ALG10: variants seen among roughly 807,000 people sequenced by gnomAD.
ALG10 encodes ALG10 alpha-1,2-glucosyltransferase.
ALG10 carries 25 observed loss-of-function variants against 39.2 expected under a neutral mutation model. The ratio of observed to expected loss-of-function variants is 0.64; its 90% CI spans 0.46 to 0.89. The LOEUF (loss-of-function observed/expected upper bound fraction) is 0.89, where lower values mean the gene tolerates loss of function less well. ALG10 is among the 40% of genes least tolerant of loss of function. The pLI is 0.00. For missense variants in ALG10, 486 were observed against 546.6 expected, an observed-to-expected ratio of 0.89 and a Z score of 1.11; for synonymous variants, 184 against 193.9, an observed-to-expected ratio of 0.95 and a Z score of 0.42.
Position 34,027,004 on chromosome 12 carries a change from TC to T in ALG10, c.*90del. On this transcript the variant is annotated 3_prime_UTR_variant, in exon 3 of 3. Coordinates refer to ENST00000266483, the MANE Select transcript of ALG10 (RefSeq NM_032834.4). ...CTGAATAGGTGGAAAACATGGAATT[TC>T]TTTTAGGTGCAGTGGTGGTCTTCAA... The T allele has an allele frequency of 7.1e-7, 1 of 1,418,182 alleles. No individual in the cohort carries two copies. Among genetic ancestry groups the T allele is most frequent in the African/African-American group, 1.4e-5 (1 of 69,462 alleles). 87.8% of individuals were successfully genotyped at this position (1,418,182 alleles called of 1,614,324 possible).
chr12:34,027,180 C>T lies in ALG10; in HGVS notation c.*265C>T. 3.6e-6 allele frequency: 1 copy of T among 276,962 alleles called. No homozygotes were observed. The allele number at this position is 276,962 out of a possible 1,614,324, so 17.2% of individuals were successfully genotyped here. ...TCTCATATCACTCTCATAATGTTGG[C>T]CCCTTAAAAAGCTTGGGAATGTTTT... On this transcript the variant is annotated 3_prime_UTR_variant, in exon 3 of 3. Transcript: ENST00000266483.
intron 1 of ALG10, 179 bp from the exon 2 acceptor site, chr12:34,023,782 TC>T (rs1942803766): frequency 1.3e-6 from 1 of 742,250 alleles, no homozygotes; most frequent in African/African-American, 1.7e-5. Flanking sequence ...ACTAAGCTGG[TC>T]CGGGGGCAAA....
Position 34,026,887 on chromosome 12 carries a change from G to A in ALG10, c.1394G>A (p.Ser465Asn). Residue 465 changes from serine to asparagine, a missense_variant, in exon 3 of 3, where the codon AGT (serine) becomes AAT (asparagine). Physicochemically the swap from Ser to Asn is conservative, Grantham distance 46 (BLOSUM62 1). Transcript: ENST00000266483. Reference protein sequence around the residue: ...FLNKTFQWPNSQDIQRFMW With the variant: ...FLNKTFQWPNNQDIQRFMW The stretch of plus-strand genomic sequence containing the variant: ...AACAAGACTTTTCAGTGGCCAAATA[G>A]TCAGGACATTCAAAGGTTTATGTGG... 6.2e-7 allele frequency: 1 copy of A among 1,613,028 alleles called. No individual in the cohort carries two copies.
chr12:34,025,767 G>A (rs79570124), intron 2 of ALG10, 96 bp from the exon 3 acceptor site: 2 of 1,443,488 alleles, frequency 1.4e-6, no homozygotes, highest in East Asian at 4.6e-5. Context: ...GGTTTGAGTA[G>A]TTGAGTAGTT....
In ALG10 at chr12:34,026,456, A is replaced by T. The variant is rs565861105; in HGVS notation, c.963A>T (p.Lys321Asn). ...KIKTFLSLVWKRRILFFVVTL... is the reference protein window; with the variant it reads ...KIKTFLSLVWNRRILFFVVTL... ...AGACTTTTCTTTCCTTAGTTTGGAA[A>T]CGTAGAATTCTGTTTTTTGTGGTTA... Residue 321 changes from lysine (K) to asparagine (N), a missense_variant, in exon 3 of 3, where the codon AAA (lysine) becomes AAT (asparagine). By Grantham distance (94) the Lys-to-Asn change is moderately conservative. Coordinates refer to ENST00000266483, the MANE Select transcript of ALG10 (RefSeq NM_032834.4). The T allele has an allele frequency of 6.2e-7, 1 of 1,613,864 alleles. No homozygotes were observed. The highest frequency in any genetic ancestry group is 1.1e-5 in the South Asian group (1 of 91,066).
rs751733450 is a variant in ALG10 at position 34,027,972 on chromosome 12, G to A, written c.*1057G>A. 6.6e-6 allele frequency: 1 copy of A among 152,048 alleles called. No homozygotes were observed. The highest frequency in any genetic ancestry group is 1.5e-5 in the Non-Finnish European group (1 of 68,022). The allele number at this position is 152,048 out of a possible 1,614,324, so 9.4% of individuals were successfully genotyped here. The stretch of plus-strand genomic sequence containing the variant: ...TGTCTTCTCTTCATTACCTTTTAAG[G>A]ACAGTGTCTTTGAATGTAGGGCCCA... On this transcript the variant is annotated 3_prime_UTR_variant, in exon 3 of 3. Coordinates refer to ENST00000266483, the MANE Select transcript of ALG10 (RefSeq NM_032834.4).
rs766247884 is a variant in ALG10, at chr12:34,026,007, C to T, written c.514C>T (p.His172Tyr). 2 of 1,613,978 alleles carry T rather than the reference C, an allele frequency of 1.2e-6. No homozygotes were observed. The highest frequency in any genetic ancestry group is 2.2e-5 in the South Asian group (2 of 91,082). Reference protein sequence around the residue: ...FAYLMCLYGNHKTSAFLGFCG... With the variant: ...FAYLMCLYGNYKTSAFLGFCG... ...GTATTTGATGTGTCTTTATGGAAAT[C>T]ATAAAACTTCAGCCTTCCTTGGATT... is the stretch of plus-strand genomic sequence containing the variant. The change falls in exon 3 of 3, where the codon CAT becomes TAT. Residue 172 changes from histidine to tyrosine, a missense_variant. Physicochemically the swap from His to Tyr is moderately conservative, Grantham distance 83. Transcript: ENST00000266483.
chr12:34,025,935 T>A lies in ALG10; in HGVS notation c.442T>A (p.Phe148Ile), dbSNP rs1466948933. 1 of 1,614,074 alleles carries A rather than the reference T, an allele frequency of 6.2e-7. No individual in the cohort carries two copies. The highest frequency in any genetic ancestry group is 8.5e-7 in the Non-Finnish European group (1 of 1,179,942). ...AVFPTLYFFNFLYYTEAGSMF... is the reference protein window; with the variant it reads ...AVFPTLYFFNILYYTEAGSMF... ...ATTTCCAACACTTTATTTTTTTAAC[T>A]TCCTTTATTATACAGAAGCAGGATC... Residue 148 changes from phenylalanine (F) to isoleucine (I), a missense_variant, in exon 3 of 3, where the codon TTC (phenylalanine) becomes ATC (isoleucine). Phe to Ile is a conservative substitution (Grantham distance 21). Transcript: ENST00000266483.
chr12:34,025,917 A>G lies in ALG10; in HGVS notation c.424A>G (p.Thr142Ala). The G allele has an allele frequency of 1.2e-6, 2 of 1,614,028 alleles. No homozygotes were observed. The highest frequency in any genetic ancestry group is 2.2e-5 in the East Asian group (1 of 44,860). ...LSTLTLAVFP[T>A]LYFFNFLYYT... ...AACATTAACACTAGCAGTATTTCCA[A>G]CACTTTATTTTTTTAACTTCCTTTA... Residue 142 changes from threonine to alanine, a missense_variant, in exon 3 of 3, where the codon ACA becomes GCA. Thr to Ala is a moderately conservative substitution (Grantham distance 58). Transcript: ENST00000266483.
In ALG10 at chr12:34,023,994, G is replaced by A; in HGVS notation, c.204G>A (p.Leu68=). ...WDPMITTLPG[L]YLVSIGVIKP... ...CCATGATTACTACATTACCTGGCTT[G>A]TACCTGGTGTCAATTGGAGTGATCA... Residue 68 remains leucine (L), a synonymous_variant, in exon 2 of 3, where the codon TTG becomes TTA. Coordinates refer to ENST00000266483, the MANE Select transcript of ALG10 (RefSeq NM_032834.4). 1.2e-6 allele frequency: 2 copies of A among 1,614,004 alleles called. No homozygotes were observed. The highest frequency in any genetic ancestry group is 1.7e-6 in the Non-Finnish European group (2 of 1,180,002).
At position 34,026,316 on chromosome 12, in the gene ALG10, G is replaced by A. The variant is rs1333914957; in HGVS notation, c.823G>A (p.Val275Ile). Residue 275 changes from valine to isoleucine, a missense_variant, in exon 3 of 3, where the codon GTT (valine) becomes ATT (isoleucine). Physicochemically the swap from Val to Ile is conservative, Grantham distance 29 (BLOSUM62 3). Transcript: ENST00000266483. Reference protein sequence around the residue: ...CAFVVVNGGIVIGDRSSHEAC... With the variant: ...CAFVVVNGGIIIGDRSSHEAC... ...TTTTGTAGTAGTTAATGGTGGAATTGTTATTGGCGATCGGAGTAGTCATGA... is the reference window on the plus strand; with the variant it reads ...TTTTGTAGTAGTTAATGGTGGAATTATTATTGGCGATCGGAGTAGTCATGA... 4 of 1,614,058 alleles carry A rather than the reference G, an allele frequency of 2.5e-6. No individual in the cohort carries two copies.
chr12:34,023,720 G>A lies in ALG10; in HGVS notation c.172-242G>A, dbSNP rs1418816901. ...TTTAAAGAACATTTCTTGGAAAATA[G>A]AAATAGATTTTAAGTTGTTGTTGTT... is the stretch of plus-strand genomic sequence containing the variant. On this transcript the variant is annotated intron_variant, in intron 1 of 2. Transcript: ENST00000266483. The A allele has an allele frequency of 2.1e-5, 11 of 528,652 alleles. No individual in the cohort carries two copies. The East Asian group carries it at 3.7e-4, about 18-fold the overall frequency. 32.7% of individuals were successfully genotyped at this position (528,652 alleles called of 1,614,324 possible). A position where few individuals can be genotyped will look rare whatever the true frequency, so the allele number is the denominator to read the frequency against.
chr12:34,022,665 C>G lies in ALG10; in HGVS notation c.66C>G (p.Leu22=), dbSNP rs1310968920. Residue 22 remains leucine (L), a synonymous_variant, in exon 1 of 3, where the codon CTC becomes CTG. Coordinates refer to ENST00000266483, the MANE Select transcript of ALG10 (RefSeq NM_032834.4). Reference sequence around the variant, plus strand: ...GCTGTACCTTTTTAGTATCCTGCCTCCTCTTCTCCGCCTTCAGCCGGGCGT... The same window carrying G: ...GCTGTACCTTTTTAGTATCCTGCCTGCTCTTCTCCGCCTTCAGCCGGGCGT... ...ALSCTFLVSC[L]LFSAFSRALR... is the part of the protein sequence containing the mutation. 6.2e-7 allele frequency: 1 copy of G among 1,614,158 alleles called. No homozygotes were observed. Among genetic ancestry groups the G allele is most frequent in the South Asian group, 1.1e-5 (1 of 91,084 alleles).
At position 34,028,028 on chromosome 12, in the gene ALG10, C is replaced by A. The variant is rs1942854960; in HGVS notation, c.*1113C>A. The stretch of plus-strand genomic sequence containing the variant: ...ATCTAGGGTGATTGTGTCTGGAGAC[C>A]CTTAATTATGTTTACAAAGACCCAT... On this transcript the variant is annotated 3_prime_UTR_variant, in exon 3 of 3. Transcript: ENST00000266483. 1 of 151,942 alleles carries A rather than the reference C, an allele frequency of 6.6e-6. No homozygotes were observed. The highest frequency in any genetic ancestry group is 1.5e-5 in the Non-Finnish European group (1 of 67,982). 9.4% of individuals were successfully genotyped at this position (151,942 alleles called of 1,614,324 possible).
intron 1 of ALG10, 172 bp downstream of exon 1, chr12:34,022,942 TTAAA>T (rs1942794641): frequency 1.1e-6 from 1 of 893,738 alleles, no homozygotes; most frequent in East Asian, 2.7e-5. Flanking sequence ...GAAATATTTA[TTAAA>T]TGAATGAATA....
rs187243599 is a variant in ALG10 at position 34,027,048 on chromosome 12, T to A, written c.*133T>A. ...GTCTTCAAATTACATTAGTTTTTTT[T>A]ATATATATTTTAAACATATGTAAGA... On this transcript the variant is annotated 3_prime_UTR_variant, in exon 3 of 3. Coordinates refer to ENST00000266483, the MANE Select transcript of ALG10 (RefSeq NM_032834.4). The A allele has an allele frequency of 4.5e-4, 430 of 956,938 alleles. No individual in the cohort carries two copies. Among genetic ancestry groups the A allele is most frequent in the Admixed American group, 2.7e-3 (84 of 30,702 alleles). 59.3% of individuals were successfully genotyped at this position (956,938 alleles called of 1,614,324 possible).
chr12:34,027,763 G>A lies in ALG10; in HGVS notation c.*848G>A, dbSNP rs1242674692. The A allele has an allele frequency of 2.0e-5, 3 of 152,284 alleles. No individual in the cohort carries two copies. The highest frequency in any genetic ancestry group is 4.4e-5 in the Non-Finnish European group (3 of 68,024). 9.4% of individuals were successfully genotyped at this position (152,284 alleles called of 1,614,324 possible). A position where few individuals can be genotyped will look rare whatever the true frequency, so the allele number is the denominator to read the frequency against. On this transcript the variant is annotated 3_prime_UTR_variant, in exon 3 of 3. Transcript: ENST00000266483. ...AGTCTAAAATCAAAGTGTCAGCAGA[G>A]TTGGTTCCTTCTGGAGGCTCTAAGG...
In ALG10 at chr12:34,024,103, G is replaced by T; in HGVS notation, c.313G>T (p.Val105Phe). ...MLRFVNLLFS[V>F]GNFYLLYLLF... Reference sequence around the variant, plus strand: ...CAGATTTGTTAATCTTCTCTTCAGTGTTGGCAACTTCTATTTACTATATTT... The same window carrying T: ...CAGATTTGTTAATCTTCTCTTCAGTTTTGGCAACTTCTATTTACTATATTT... The change falls in exon 2 of 3, where the codon GTT (valine) becomes TTT (phenylalanine). Residue 105 changes from valine (V) to phenylalanine (F), a missense_variant. By Grantham distance (50) the Val-to-Phe change is conservative (BLOSUM62 -1). Coordinates refer to ENST00000266483, the MANE Select transcript of ALG10 (RefSeq NM_032834.4). The T allele has an allele frequency of 2.5e-6, 4 of 1,614,110 alleles. No homozygotes were observed. The highest frequency in any genetic ancestry group is 3.4e-6 in the Non-Finnish European group (4 of 1,180,008).
intron 2 of ALG10, among the ~76,000 whole-genome samples, chr12:34,025,596 G>A (rs1356777450): frequency 1.3e-5 from 2 of 152,102 alleles, no homozygotes; most frequent in African/African-American, 4.8e-5. Context: ...ACTAATCATT[G>A]CCTGATTCCA....
Sources: allele counts gnomAD v4.1 joint callset (sites outside exome capture counted in the v4.1 genomes callset), GRCh38; gene constraint gnomAD v4.1.1; transcripts MANE v1.5; gene names NCBI Gene and HGNC (gene_info 2026-07-23, HGNC 2026-07-21).